The following IQSEC1 variants were observed in gnomAD, a reference collection of about 807,000 sequenced individuals.
The protein encoded by IQSEC1 is IQ motif and SEC7 domain-containing protein 1.
In IQSEC1, 31 loss-of-function variants were observed where a neutral mutation model predicts 91.0. That is an observed-to-expected ratio of 0.34 (90% confidence interval 0.26 to 0.46). The LOEUF (loss-of-function observed/expected upper bound fraction) is 0.46, where lower values mean the gene tolerates loss of function less well. Ranked by LOEUF, IQSEC1 falls within the 20% of genes least tolerant of loss-of-function variation. The pLI, the probability that IQSEC1 is intolerant of heterozygous loss-of-function variation, is 1.00. For synonymous variants in IQSEC1, 699 were observed against 662.6 expected (o/e 1.05, Z -0.84); for missense variants, 1,388 against 1,575.6 (o/e 0.88, Z 2.02).
At chr3:13,248,506 G>C (rs916513847) in intron 1 of IQSEC1, among the ~76,000 whole-genome samples, 7 of 152,044 alleles carry the variant, frequency 4.6e-5, no homozygotes, top group African/African-American at 1.7e-4. Context: ...CCCCTTCCTT[G>C]GCTCTGGTCC....
At chr3:13,078,818 AG>A (rs1161862124) in intron 2 of IQSEC1, among the ~76,000 whole-genome samples, 1 of 152,154 alleles carries the variant, frequency 6.6e-6, no homozygotes, top group Admixed American at 6.5e-5. Flanking sequence ...CAGCTGCCCC[AG>A]GGGGTTCTTC....
At chr3:13,226,687 C>A (rs538419175) in intron 1 of IQSEC1, among the ~76,000 whole-genome samples, 2 of 152,320 alleles carry the variant, frequency 1.3e-5, no homozygotes, top group East Asian at 1.9e-4. Flanking sequence ...TTCAATAATG[C>A]CCCAGCATGT....
intron 2 of IQSEC1, among the ~76,000 whole-genome samples, chr3:13,113,477 T>C (rs1706284721): frequency 6.6e-6 from 1 of 152,166 alleles, no homozygotes; most frequent in African/African-American, 2.4e-5. Context: ...GTTGCAGCAG[T>C]GCAGCACCTA....
At chr3:13,030,111 T>G (rs1230024483) in intron 1 of IQSEC1, among the ~76,000 whole-genome samples, 3 of 152,092 alleles carry the variant, frequency 2.0e-5, no homozygotes, top group Non-Finnish European at 1.5e-5. Context: ...GTCTAAAATC[T>G]TTTTTTTATA....
At chr3:13,157,492 A>G (rs112975926) in intron 2 of IQSEC1, among the ~76,000 whole-genome samples, 2,951 of 152,342 alleles carry the variant, frequency 0.019, 87 homozygotes, top group African/African-American at 0.067. Flanking sequence ...TTCATAGGCC[A>G]CACAGCAGAA....
chr3:13,246,200 C>T (rs945459323), intron 1 of IQSEC1, among the ~76,000 whole-genome samples: 7 of 152,184 alleles, frequency 4.6e-5, no homozygotes, highest in African/African-American at 9.7e-5. Context: ...GGTTCTGGGC[C>T]GCACTGCCAC....
intron 1 of IQSEC1, among the ~76,000 whole-genome samples, chr3:13,062,890 T>C (rs991062090): frequency 6.6e-6 from 1 of 152,152 alleles, no homozygotes; most frequent in Non-Finnish European, 1.5e-5. Flanking sequence ...CAATAAAACA[T>C]TTTTCTATTA....
intron 1 of IQSEC1, among the ~76,000 whole-genome samples, chr3:13,047,168 T>C (rs1341957644): frequency 6.6e-6 from 1 of 152,056 alleles, no homozygotes; most frequent in African/African-American, 2.4e-5. Context: ...CAGCCTTGGA[T>C]CTCGGAAGAA....
At position 13,031,513 on chromosome 3, in the gene IQSEC1, GA is replaced by G. The variant is rs559100948; in HGVS notation, c.23+41478del. The stretch of plus-strand genomic sequence containing the variant: ...CAGGTCTCCCGGCAAGCCCATGGGG[GA>G]TAATCAGAAAGGACAAGACTCCAGG... On this transcript the variant is annotated intron_variant, in intron 1 of 13. Transcript: ENST00000613206. 1.2e-3 allele frequency among the ~76,000 whole-genome samples: 184 copies of G among 152,330 alleles called. 1 individual carries two copies. Among genetic ancestry groups the G allele is most frequent in the African/African-American group, 4.2e-3 (175 of 41,578 alleles).
intron 1 of IQSEC1, among the ~76,000 whole-genome samples, chr3:13,018,603 G>A (rs1703252866): frequency 6.6e-6 from 1 of 152,352 alleles, no homozygotes; most frequent in East Asian, 1.9e-4. Flanking sequence ...TCTGCCAGGG[G>A]CCCAGAGGTG....
At chr3:13,220,446 C>T (rs1694636407) in intron 1 of IQSEC1, among the ~76,000 whole-genome samples, 3 of 152,248 alleles carry the variant, frequency 2.0e-5, no homozygotes. Context: ...CTGGCCCCCA[C>T]AAGGGGCTTC....
intron 2 of IQSEC1, among the ~76,000 whole-genome samples, chr3:13,120,258 C>G (rs1259939919): frequency 6.6e-6 from 1 of 152,208 alleles, no homozygotes; most frequent in Non-Finnish European, 1.5e-5. Flanking sequence ...GGCTCCTCAG[C>G]ACCACTCAGT....
rs1702103223 is a variant in IQSEC1 at position 12,993,817 on chromosome 3, C to G, written c.24-51952G>C. On this transcript the variant is annotated intron_variant, in intron 1 of 13. Transcript: ENST00000613206. ...CTTGGCGGCCGCTGATCCCCAACCCCACAACCCTGCGGCCGGTGCGGGCTT... is the reference window on the plus strand; with the variant it reads ...CTTGGCGGCCGCTGATCCCCAACCCGACAACCCTGCGGCCGGTGCGGGCTT... 2.6e-5 allele frequency among the ~76,000 whole-genome samples: 4 copies of G among 152,132 alleles called. No homozygotes were observed. In the South Asian group the frequency reaches 8.3e-4, roughly 31 times the overall value.
At chr3:13,090,553 A>T (rs1281364537) in intron 2 of IQSEC1, among the ~76,000 whole-genome samples, 1 of 152,142 alleles carries the variant, frequency 6.6e-6, no homozygotes, top group Non-Finnish European at 1.5e-5. Context: ...CCCCCACAGG[A>T]CATGCTCATG....
At chr3:13,081,234 T>A (rs1705642985) in intron 2 of IQSEC1, among the ~76,000 whole-genome samples, 1 of 152,238 alleles carries the variant, frequency 6.6e-6, no homozygotes, top group Non-Finnish European at 1.5e-5. Context: ...GGTGGCAGAA[T>A]AACTGGTCAG....
chr3:12,999,634 C>T (rs573637187), intron 1 of IQSEC1, among the ~76,000 whole-genome samples: 1 of 152,164 alleles, frequency 6.6e-6, no homozygotes, highest in Non-Finnish European at 1.5e-5. Flanking sequence ...TAGCCTTGGC[C>T]TCCGTCCCGC....
intron 2 of IQSEC1, among the ~76,000 whole-genome samples, chr3:13,128,876 C>CAAAA (rs34011478): frequency 3.9e-4 from 34 of 87,402 alleles, no homozygotes; most frequent in African/African-American, 8.9e-4. Context: ...GACTCTGTCT[C>CAAAA]AAAAAAAAAA....
At chr3:13,114,792 CAAAAA>C (rs11462232) in intron 2 of IQSEC1, among the ~76,000 whole-genome samples, 2 of 90,346 alleles carry the variant, frequency 2.2e-5, no homozygotes, top group Non-Finnish European at 2.4e-5. Flanking sequence ...GACATCGTCT[CAAAAA>C]AAAAAAAAAA....
chr3:13,150,480 G>A (rs1706977439), intron 2 of IQSEC1, among the ~76,000 whole-genome samples: 1 of 152,180 alleles, frequency 6.6e-6, no homozygotes, highest in African/African-American at 2.4e-5. Flanking sequence ...TGCGTGAGGT[G>A]GCCTGTTCCC....
Sources: allele counts gnomAD v4.1 joint callset (sites outside exome capture counted in the v4.1 genomes callset), GRCh38; gene constraint gnomAD v4.1.1; transcripts MANE v1.5; gene names NCBI Gene and HGNC (gene_info 2026-07-23, HGNC 2026-07-21).